Variants in MAGI1 observed in about 807,000 individuals in gnomAD.
MAGI1 encodes the protein membrane associated guanylate kinase, WW and PDZ domain containing 1, also known as membrane-associated guanylate kinase, WW and PDZ domain-containing protein 1.
A neutral mutation model predicts 139.9 loss-of-function variants in MAGI1; 58 were observed. The ratio of observed to expected loss-of-function variants is 0.41; its 90% CI spans 0.34 to 0.52. The LOEUF (loss-of-function observed/expected upper bound fraction) is 0.52, where lower values mean the gene tolerates loss of function less well. Ranked by LOEUF, MAGI1 falls within the 20% of genes least tolerant of loss-of-function variation. MAGI1 has a pLI of 0.12. For missense variants in MAGI1, 1,874 were observed against 1,901.6 expected (o/e 0.99, Z 0.27); for synonymous variants, 812 against 737.9 (o/e 1.10, Z -1.63).
At chr3:65,890,717 A>G (rs2060712109) in intron 1 of MAGI1, among the ~76,000 whole-genome samples, 3 of 152,212 alleles carry the variant, frequency 2.0e-5, no homozygotes, top group South Asian at 4.1e-4. Flanking sequence ...GTTGAGAACC[A>G]CTATGGTTGA....
In MAGI1 at chr3:65,908,396, C is replaced by T. The variant is rs538459933; in HGVS notation, c.313+129600G>A. Reference sequence around the variant, plus strand: ...TCAGCTCACTGCAACCTCCACCTCCCGGGTTCAAGCAATTCTCTGCTGGAA... The same window carrying T: ...TCAGCTCACTGCAACCTCCACCTCCTGGGTTCAAGCAATTCTCTGCTGGAA... On this transcript the variant is annotated intron_variant, in intron 1 of 22. Coordinates refer to ENST00000402939, the MANE Select transcript of MAGI1 (RefSeq NM_001033057.2). Among the ~76,000 whole-genome samples, 143 of 152,004 alleles carry T rather than the reference C, an allele frequency of 9.4e-4. 1 individual carries two copies. The Middle Eastern group carries it at 0.01, about 11-fold the overall frequency.
At chr3:65,845,286 A>C (rs1209534076) in intron 1 of MAGI1, among the ~76,000 whole-genome samples, 1 of 151,986 alleles carries the variant, frequency 6.6e-6, no homozygotes, top group South Asian at 2.1e-4. Context: ...AAGAAAAAAG[A>C]AAAGAAAAGA....
At chr3:65,563,134 T>A (rs2080443864) in intron 2 of MAGI1, among the ~76,000 whole-genome samples, 1 of 152,234 alleles carries the variant, frequency 6.6e-6, no homozygotes, top group Non-Finnish European at 1.5e-5. Flanking sequence ...GAGAACTTTA[T>A]TAAGTTGTCC....
chr3:65,613,627 G>A lies in MAGI1; in HGVS notation c.430+8345C>T, dbSNP rs996359719. 4.6e-5 allele frequency among the ~76,000 whole-genome samples: 7 copies of A among 152,092 alleles called. No homozygotes were observed. The East Asian group carries it at 5.8e-4, about 13-fold the overall frequency. Reference sequence around the variant, plus strand: ...CTCAGCAACTATACAATGGCAATTAGGGTTAACAACGTATAATAAGAAATA... The same window carrying A: ...CTCAGCAACTATACAATGGCAATTAAGGTTAACAACGTATAATAAGAAATA... On this transcript the variant is annotated intron_variant, in intron 2 of 22. Transcript: ENST00000402939.
intron 1 of MAGI1, among the ~76,000 whole-genome samples, chr3:65,992,983 C>T (rs370426319): frequency 6.6e-6 from 1 of 151,980 alleles, no homozygotes; most frequent in Non-Finnish European, 1.5e-5. Flanking sequence ...CGCCATCATG[C>T]CTGGCTATGT....
At chr3:65,874,170 A>G (rs1175813381) in intron 1 of MAGI1, 1 of 152,324 alleles carries the variant, frequency 6.6e-6, no homozygotes, top group Admixed American at 6.6e-5. Flanking sequence ...CCTGTAGTCC[A>G]AACTACTCAG....
chr3:65,674,827 G>A (rs1274939910), intron 1 of MAGI1, among the ~76,000 whole-genome samples: 1 of 152,140 alleles, frequency 6.6e-6, no homozygotes, highest in Non-Finnish European at 1.5e-5. Flanking sequence ...ATCAATTACA[G>A]ATCAAATATT....
chr3:66,033,472 AAGG>A (rs2068750630), intron 1 of MAGI1, among the ~76,000 whole-genome samples: 1 of 152,204 alleles, frequency 6.6e-6, no homozygotes, highest in South Asian at 2.1e-4. Context: ...AGCACACCAG[AAGG>A]AGGTCACTGA....
At chr3:65,382,444 G>C (rs1471737028) in intron 15 of MAGI1, among the ~76,000 whole-genome samples, 1 of 151,970 alleles carries the variant, frequency 6.6e-6, no homozygotes, top group Non-Finnish European at 1.5e-5. Context: ...TTTATTTAAG[G>C]GTCTAGCATC....
At chr3:65,612,764 T>G (rs1157786682) in intron 2 of MAGI1, among the ~76,000 whole-genome samples, 1 of 152,148 alleles carries the variant, frequency 6.6e-6, no homozygotes, top group Non-Finnish European at 1.5e-5. Context: ...AATATATTAT[T>G]TCTCATTCTC....
intron 1 of MAGI1, among the ~76,000 whole-genome samples, chr3:65,671,344 C>T (rs563245605): frequency 1.3e-5 from 2 of 152,236 alleles, no homozygotes; most frequent in South Asian, 4.1e-4. Flanking sequence ...GGATGTGCAG[C>T]AGTATCCTCG....
intron 13 of MAGI1, among the ~76,000 whole-genome samples, chr3:65,395,751 G>C (rs73832831): frequency 6.6e-6 from 1 of 151,210 alleles, no homozygotes; most frequent in African/African-American, 2.4e-5. Context: ...GCCACATAAC[G>C]CATGAGCCCT....
chr3:65,767,355 A>C (rs2037572205), intron 1 of MAGI1, among the ~76,000 whole-genome samples: 1 of 152,010 alleles, frequency 6.6e-6, no homozygotes, highest in Admixed American at 6.6e-5. Flanking sequence ...CTGTAATCCC[A>C]GCACTTTGGG....
chr3:65,557,286 T>C (rs758054341), intron 2 of MAGI1, among the ~76,000 whole-genome samples: 1 of 152,210 alleles, frequency 6.6e-6, no homozygotes, highest in Non-Finnish European at 1.5e-5. Context: ...TCTTGGAGTA[T>C]TCACTTTAGG....
chr3:65,644,990 C>A, intron 1 of MAGI1, among the ~76,000 whole-genome samples: 1 of 148,160 alleles, frequency 6.7e-6, no homozygotes, highest in African/African-American at 2.5e-5. Context: ...AAGTAAGACT[C>A]CATCTCAAAA....
intron 3 of MAGI1, among the ~76,000 whole-genome samples, chr3:65,488,511 A>AT (rs11360866): frequency 9.5e-4 from 144 of 150,900 alleles, no homozygotes; most frequent in African/African-American, 2.7e-3. Context: ...TAATTTTTAT[A>AT]TTTTTTTTTG....
At chr3:66,003,293 A>G (rs990103305) in intron 1 of MAGI1, among the ~76,000 whole-genome samples, 3 of 152,120 alleles carry the variant, frequency 2.0e-5, no homozygotes, top group Admixed American at 6.5e-5. Context: ...ACAAGGACAC[A>G]CCACAGCAAC....
At chr3:66,007,146 A>T (rs1158004097) in intron 1 of MAGI1, among the ~76,000 whole-genome samples, 2 of 152,004 alleles carry the variant, frequency 1.3e-5, no homozygotes, top group African/African-American at 4.8e-5. Flanking sequence ...TGGCCTGAAG[A>T]TCACATATGT....
At chr3:65,470,177 G>A in intron 5 of MAGI1, 106 bp downstream of exon 5, 2 of 699,630 alleles carry the variant, frequency 2.9e-6, no homozygotes, top group Non-Finnish European at 4.7e-6. Flanking sequence ...ACCATCAGTG[G>A]GTGATCAATC....
Sources: gnomAD v4.1 joint callset for allele counts (sites outside exome capture counted in the v4.1 genomes callset) on GRCh38, gnomAD v4.1.1 for gene constraint, MANE v1.5 for transcripts, NCBI Gene and HGNC (gene_info 2026-07-23, HGNC 2026-07-21) for gene names.